Variants in PRKCZ observed in about 807,000 individuals in gnomAD.
PRKCZ encodes protein kinase C zeta.
In PRKCZ, 33 loss-of-function variants were observed where a neutral mutation model predicts 79.5. The observed-to-expected ratio is 0.41, with a 90% CI of 0.31 to 0.55. The LOEUF is 0.55. PRKCZ is among the 20% of genes least tolerant of loss of function. The pLI is 0.19. For missense variants in PRKCZ, 578 were observed against 813.5 expected (o/e 0.71, Z 3.52); for synonymous variants, 342 against 320.9 (o/e 1.07, Z -0.70).
In PRKCZ at chr1:2,086,766, C is replaced by T. The variant is rs532039647; in HGVS notation, c.334+27175C>T. On this transcript the variant is annotated intron_variant, in intron 4 of 17. Coordinates refer to ENST00000378567, the MANE Select transcript of PRKCZ (RefSeq NM_002744.6). Reference sequence around the variant, plus strand: ...CCAGTGCCGCAGGCTCTTCTCTTCTCCACTTCTGAGTGGGGTCTCCATCTG... The same window carrying T: ...CCAGTGCCGCAGGCTCTTCTCTTCTTCACTTCTGAGTGGGGTCTCCATCTG... Among the ~76,000 whole-genome samples, 7 of 152,358 alleles carry T rather than the reference C, an allele frequency of 4.6e-5. No homozygotes were observed. The East Asian group carries it at 1.4e-3, about 29-fold the overall frequency.
At chr1:2,132,860 A>G (rs1219363028) in intron 4 of PRKCZ, among the ~76,000 whole-genome samples, 6 of 152,186 alleles carry the variant, frequency 3.9e-5, no homozygotes, top group Non-Finnish European at 8.8e-5. Flanking sequence ...CTGTGACAGA[A>G]CCCCACAGAC....
Position 2,149,952 on chromosome 1 carries a change from A to G in PRKCZ, c.688-838A>G, listed in dbSNP as rs1461133964. ...GGCGGGCAGATCACGAGGTCAGGAG[A>G]TGGAGACCATCCTGGCTAACACGGT... On this transcript the variant is annotated intron_variant, in intron 8 of 17. Coordinates refer to ENST00000378567, the MANE Select transcript of PRKCZ (RefSeq NM_002744.6). This position sits in a 1 kb window ranked among gnomAD's most constrained non-coding sequence, Gnocchi z 4.1. Among the ~76,000 whole-genome samples, 1 of 151,214 alleles carries G rather than the reference A, an allele frequency of 6.6e-6. No homozygotes were observed. The highest frequency in any genetic ancestry group is 2.0e-4 in the East Asian group (1 of 5,120).
rs1303450523 is a variant in PRKCZ at position 2,125,800 on chromosome 1, G to A, written c.335-9462G>A. 5.9e-5 allele frequency among the ~76,000 whole-genome samples: 9 copies of A among 152,222 alleles called. No individual in the cohort carries two copies. The highest frequency in any genetic ancestry group is 1.3e-4 in the Non-Finnish European group (9 of 68,026). On this transcript the variant is annotated intron_variant, in intron 4 of 17. Coordinates refer to ENST00000378567, the MANE Select transcript of PRKCZ (RefSeq NM_002744.6). This position sits in a 1 kb window ranked among gnomAD's most constrained non-coding sequence, Gnocchi z 4.2. ...CCATGCCGCAGAGGCTGTCCCTTGG[G>A]GGCCCACGCATCCTAGCCACGGCCT...
upstream of PRKCZ, chr1:2,049,869 A>T (rs1659485562): frequency 6.6e-6 from 1 of 152,150 alleles, no homozygotes; most frequent in Non-Finnish European, 1.5e-5. Flanking sequence ...TGCACTCACG[A>T]GTGTGGACGG....
intron 4 of PRKCZ, among the ~76,000 whole-genome samples, chr1:2,061,332 C>T (rs1264034471): frequency 6.6e-6 from 1 of 151,900 alleles, no homozygotes; most frequent in Non-Finnish European, 1.5e-5. Context: ...GCCTCTCTGC[C>T]CGTGTGGACA....
At chr1:2,144,676 A>T (rs1425531727) in intron 6 of PRKCZ, 1 of 1,084,910 alleles carries the variant, frequency 9.2e-7, no homozygotes, top group East Asian at 7.3e-5. Context: ...TGGAGGTGAA[A>T]GCCAGGTCTG....
chr1:2,167,748 G>T (rs928586204), intron 10 of PRKCZ, among the ~76,000 whole-genome samples: 1 of 152,134 alleles, frequency 6.6e-6, no homozygotes, highest in African/African-American at 2.4e-5. Context: ...GAGATTACAG[G>T]TGCACACCAC....
At chr1:2,051,474 G>C (rs971995804) in intron 1 of PRKCZ, among the ~76,000 whole-genome samples, 2 of 152,226 alleles carry the variant, frequency 1.3e-5, no homozygotes, top group African/African-American at 4.8e-5. Flanking sequence ...TCTTCCACCT[G>C]TGCGCGTCTC....
chr1:2,059,390 C>A, intron 3 of PRKCZ, 151 bp from the exon 4 acceptor site: 1 of 890,028 alleles, frequency 1.1e-6, no homozygotes, highest in Non-Finnish European at 1.8e-6. Flanking sequence ...CGGGGTTTTG[C>A]GTCTCCCAGG....
intron 4 of PRKCZ, among the ~76,000 whole-genome samples, chr1:2,129,937 T>C (rs6603815): frequency 0.91 from 138,566 of 152,262 alleles, 63,142 homozygotes; most frequent in Admixed American, 0.93. Context: ...GGGTCTGGCT[T>C]TGTTGCCCAG....
At chr1:2,060,930 G>A (rs954632209) in intron 4 of PRKCZ, among the ~76,000 whole-genome samples, 2 of 152,188 alleles carry the variant, frequency 1.3e-5, no homozygotes, top group Admixed American at 6.5e-5. Flanking sequence ...GGGTGCCCAC[G>A]CCTCACGGAC....
At chr1:2,134,570 A>G (rs1675775671) in intron 4 of PRKCZ, among the ~76,000 whole-genome samples, 1 of 151,538 alleles carries the variant, frequency 6.6e-6, no homozygotes, top group African/African-American at 2.4e-5. Flanking sequence ...CACAGTCCGC[A>G]TGGGCTGGAC....
intron 4 of PRKCZ, among the ~76,000 whole-genome samples, chr1:2,103,505 C>T (rs936579574): frequency 6.6e-6 from 1 of 152,150 alleles, no homozygotes; most frequent in Non-Finnish European, 1.5e-5. Context: ...GCTGCCCCCA[C>T]CCCAGCCCAA....
At chr1:2,147,939 CATCT>C (rs1409429039) in intron 7 of PRKCZ, among the ~76,000 whole-genome samples, 21 of 151,090 alleles carry the variant, frequency 1.4e-4, no homozygotes, top group East Asian at 9.8e-4. Context: ...TCCGTCTATC[CATCT>C]ATCTATTGTC....
At chr1:2,051,457 G>A (rs1659646008) in intron 1 of PRKCZ, among the ~76,000 whole-genome samples, 1 of 152,220 alleles carries the variant, frequency 6.6e-6, no homozygotes, top group African/African-American at 2.4e-5. Flanking sequence ...AGGACCCGTG[G>A]GTTTGTTCTT....
rs1264545593 is a variant in PRKCZ at position 2,082,414 on chromosome 1, G to A, written c.334+22823G>A. The A allele has an allele frequency of 2.2e-6, 1 of 456,182 alleles. No individual in the cohort carries two copies. The highest frequency in any genetic ancestry group is 4.4e-6 in the Non-Finnish European group (1 of 226,970). 28.3% of individuals were successfully genotyped at this position (456,182 alleles called of 1,614,324 possible). A position where few individuals can be genotyped will look rare whatever the true frequency, so the allele number is the denominator to read the frequency against. ...TAGTTTGTGTTTATTTATTTATCTT[G>A]GCCAGCAGAGAGAATTGAGTTTGCA... On this transcript the variant is annotated intron_variant, in intron 4 of 17. Coordinates refer to ENST00000378567, the MANE Select transcript of PRKCZ (RefSeq NM_002744.6). The surrounding 1 kb of genome is among the most constrained non-coding windows in gnomAD (Gnocchi z 4.4).
chr1:2,056,745 T>C (rs1190004788), intron 3 of PRKCZ, among the ~76,000 whole-genome samples, 172 bp downstream of exon 3: 1 of 151,322 alleles, frequency 6.6e-6, no homozygotes, highest in Admixed American at 6.6e-5. Flanking sequence ...TTTTTTTTTT[T>C]TGAGACGGAG....
chr1:2,048,529 C>T (rs567823454), upstream of PRKCZ, among the ~76,000 whole-genome samples: 61 of 151,506 alleles, frequency 4.0e-4, no homozygotes, highest in African/African-American at 1.4e-3. Flanking sequence ...GAGGCCGGGG[C>T]AGCAAAGAGG....
chr1:2,102,614 G>T (rs189323307), intron 4 of PRKCZ, among the ~76,000 whole-genome samples: 124 of 152,306 alleles, frequency 8.1e-4, no homozygotes, highest in African/African-American at 2.9e-3. Context: ...TTACAGGTGT[G>T]AGCCACCGTG....
Sources: allele counts gnomAD v4.1 joint callset (sites outside exome capture counted in the v4.1 genomes callset), GRCh38; gene constraint gnomAD v4.1.1; non-coding constraint Gnocchi (gnomAD v3.1); transcripts MANE v1.5; gene names NCBI Gene and HGNC (gene_info 2026-07-23, HGNC 2026-07-21).